The following CDH4 variants were observed in gnomAD, a reference collection of about 807,000 sequenced individuals.
CDH4 encodes the protein cadherin 4.
Under a neutral mutation model 86.0 loss-of-function variants are expected in CDH4, and 33 were observed. That is an observed-to-expected ratio of 0.38 (90% CI 0.29 to 0.51). The LOEUF (loss-of-function observed/expected upper bound fraction) is 0.51, where lower values mean the gene tolerates loss of function less well. Ranked by LOEUF, CDH4 falls within the 20% of genes least tolerant of loss-of-function variation. The pLI is 0.86. For synonymous variants in CDH4, 555 were observed against 549.4 expected (o/e 1.01, Z -0.14); for missense variants, 1,114 against 1,307.4 (o/e 0.85, Z 2.28).
intron 2 of CDH4, among the ~76,000 whole-genome samples, chr20:61,356,211 G>A (rs1377219499): frequency 6.6e-6 from 1 of 152,156 alleles, no homozygotes; most frequent in Non-Finnish European, 1.5e-5. Context: ...ATGGACGAGG[G>A]ATTATCTTGG....
chr20:61,656,201 G>A (rs1040055046), intron 2 of CDH4, among the ~76,000 whole-genome samples: 1 of 151,668 alleles, frequency 6.6e-6, no homozygotes, highest in Admixed American at 6.6e-5. Flanking sequence ...GATGTTGCTT[G>A]GGAATGCATG....
chr20:61,450,683 A>C (rs530416733), intron 2 of CDH4, among the ~76,000 whole-genome samples: 1 of 152,022 alleles, frequency 6.6e-6, no homozygotes, highest in East Asian at 2.0e-4. Flanking sequence ...TGCTGTGATA[A>C]GACAAGGACT....
chr20:61,878,744 G>A (rs1406359586), intron 7 of CDH4, among the ~76,000 whole-genome samples: 1 of 152,246 alleles, frequency 6.6e-6, no homozygotes, highest in Non-Finnish European at 1.5e-5. Flanking sequence ...CCCTGGCATT[G>A]GCCACCCCAC....
intron 15 of CDH4, among the ~76,000 whole-genome samples, chr20:61,936,426 C>CA (rs1254205180): frequency 1.6e-5 from 1 of 62,546 alleles, no homozygotes; most frequent in African/African-American, 7.4e-5. Flanking sequence ...ACACCCCCCC[C>CA]CCCATCTGCC....
intron 2 of CDH4, among the ~76,000 whole-genome samples, chr20:61,306,665 A>C (rs2084418945): frequency 6.6e-6 from 1 of 152,114 alleles, no homozygotes; most frequent in South Asian, 2.1e-4. Flanking sequence ...TTTCATTGTC[A>C]TATACACAAA....
intron 2 of CDH4, among the ~76,000 whole-genome samples, chr20:61,720,861 T>C (rs532657354): frequency 1.6e-4 from 25 of 152,162 alleles, no homozygotes; most frequent in Non-Finnish European, 3.2e-4. Context: ...TTATTTCCCT[T>C]TGACATGAGA....
intron 2 of CDH4, among the ~76,000 whole-genome samples, chr20:61,534,375 A>G (rs2085978355): frequency 6.6e-6 from 1 of 152,188 alleles, no homozygotes; most frequent in African/African-American, 2.4e-5. Context: ...GCAAAGAAAA[A>G]ACACTGTGCA....
At chr20:61,914,778 T>A (rs1000656133) in intron 9 of CDH4, among the ~76,000 whole-genome samples, 8 of 152,124 alleles carry the variant, frequency 5.3e-5, no homozygotes, top group Non-Finnish European at 1.2e-4. Context: ...ATTTTCAGAT[T>A]TGGGGCTTGG....
chr20:61,798,407 C>T (rs1356070391), intron 4 of CDH4, among the ~76,000 whole-genome samples: 3 of 152,262 alleles, frequency 2.0e-5, no homozygotes, highest in South Asian at 4.1e-4. Context: ...CCGGACCCTC[C>T]GCTCCTTTCC....
chr20:61,568,222 C>T (rs954766501), intron 2 of CDH4, among the ~76,000 whole-genome samples: 9 of 152,124 alleles, frequency 5.9e-5, no homozygotes, highest in African/African-American at 2.2e-4. Context: ...AATTTTAGTT[C>T]CCATAATCCC....
chr20:61,773,541 T>TG (rs1319929488), intron 4 of CDH4, among the ~76,000 whole-genome samples: 1 of 152,220 alleles, frequency 6.6e-6, no homozygotes. Flanking sequence ...TCCCGGATGA[T>TG]GGGGTGGTGC....
chr20:61,450,546 G>A (rs370667325), intron 2 of CDH4, among the ~76,000 whole-genome samples: 29 of 152,100 alleles, frequency 1.9e-4, no homozygotes, highest in East Asian at 7.8e-4. Context: ...CTTCAGATGC[G>A]AACGGCTGCT....
intron 2 of CDH4, among the ~76,000 whole-genome samples, chr20:61,332,652 GC>G (rs1401996974): frequency 6.6e-6 from 1 of 152,238 alleles, no homozygotes; most frequent in Non-Finnish European, 1.5e-5. Flanking sequence ...TTCTGCGAAG[GC>G]CCTTGGCTAG....
At chr20:61,364,978 G>T (rs1264180584) in intron 2 of CDH4, among the ~76,000 whole-genome samples, 1 of 152,196 alleles carries the variant, frequency 6.6e-6, no homozygotes, top group African/African-American at 2.4e-5. Context: ...GGATCCCAAT[G>T]CCTGTTGAGG....
chr20:61,413,207 C>T (rs898769529), intron 2 of CDH4, among the ~76,000 whole-genome samples: 2 of 141,782 alleles, frequency 1.4e-5, no homozygotes, highest in Admixed American at 1.4e-4. Context: ...ACCCCTGGCC[C>T]ATGCTCCCTT....
intron 8 of CDH4, among the ~76,000 whole-genome samples, chr20:61,905,816 G>A (rs1005136932): frequency 1.3e-5 from 2 of 152,098 alleles, no homozygotes; most frequent in African/African-American, 4.8e-5. Context: ...AATTCAGAAG[G>A]TGCAGGGGAA....
At chr20:61,878,885 C>T (rs1318669628) in intron 7 of CDH4, among the ~76,000 whole-genome samples, 18 of 152,214 alleles carry the variant, frequency 1.2e-4, no homozygotes, top group Non-Finnish European at 2.1e-4. Flanking sequence ...GAGGCCAGGG[C>T]GCCCCTCGCC....
At chr20:61,651,243 G>A (rs1600840176) in intron 2 of CDH4, among the ~76,000 whole-genome samples, 2 of 152,364 alleles carry the variant, frequency 1.3e-5, no homozygotes, top group Non-Finnish European at 1.5e-5. Context: ...GAGTGAGTTA[G>A]CATCGTGCTT....
intron 2 of CDH4, among the ~76,000 whole-genome samples, chr20:61,321,094 C>T (rs1488961126): frequency 1.3e-5 from 2 of 152,184 alleles, no homozygotes; most frequent in East Asian, 1.9e-4. Flanking sequence ...TACCTAGTCC[C>T]GCCTGTGGTC....
Sources: allele counts gnomAD v4.1 joint callset (sites outside exome capture counted in the v4.1 genomes callset), GRCh38; gene constraint gnomAD v4.1.1; transcripts MANE v1.5; gene names NCBI Gene and HGNC (gene_info 2026-07-23, HGNC 2026-07-21).